The following ANK3 variants were observed in gnomAD, a reference collection of about 807,000 sequenced individuals.
ANK3 encodes ankyrin 3.
ANK3 carries 57 observed loss-of-function variants against 370.9 expected under a neutral mutation model. That is an observed-to-expected ratio of 0.15 (90% CI 0.12 to 0.19). ANK3 has a LOEUF of 0.19. Ranked by LOEUF, ANK3 falls within the 10% of genes least tolerant of loss-of-function variation. The probability of loss-of-function intolerance (pLI) is 1.00; values close to 1 mark genes in which losing one functional copy is unlikely to be tolerated. For missense variants in ANK3, 4,439 were observed against 5,302.1 expected (o/e 0.84, Z 5.06); for synonymous variants, 1,929 against 1,946.3 (o/e 0.99, Z 0.23).
At chr10:60,431,351 C>T (rs1378336441) in intron 2 of ANK3, among the ~76,000 whole-genome samples, 5 of 152,138 alleles carry the variant, frequency 3.3e-5, no homozygotes, top group Non-Finnish European at 7.3e-5. Context: ...TCCTCTGAGA[C>T]TCTAATGCCG....
chr10:60,549,942 G>A (rs1330664866), intron 2 of ANK3, among the ~76,000 whole-genome samples: 1 of 152,070 alleles, frequency 6.6e-6, no homozygotes, highest in Non-Finnish European at 1.5e-5. Context: ...GAAGGAACAT[G>A]CTATCAAGAA....
At chr10:60,290,401 C>CT (rs71015780) in intron 1 of ANK3, among the ~76,000 whole-genome samples, 85,834 of 150,940 alleles carry the variant, frequency 0.57, 24,866 homozygotes, top group South Asian at 0.76. Flanking sequence ...AGCTTTTATT[C>CT]TTTTTTTTTA....
intron 43 of ANK3, among the ~76,000 whole-genome samples, chr10:60,033,536 A>AAC (rs1554812949): frequency 0.045 from 4,417 of 97,920 alleles, 123 homozygotes; most frequent in African/African-American, 0.055. Flanking sequence ...AAAAAAAAAA[A>AAC]AAACTTGGAA....
chr10:60,669,971 A>G (rs993818911), intron 1 of ANK3, among the ~76,000 whole-genome samples: 4 of 151,990 alleles, frequency 2.6e-5, no homozygotes, highest in Admixed American at 2.6e-4. Context: ...CACAGGTGCA[A>G]GGCACCATGC....
intron 23 of ANK3, among the ~76,000 whole-genome samples, chr10:60,162,125 C>T (rs1003208615): frequency 6.6e-6 from 1 of 152,130 alleles, no homozygotes; most frequent in Admixed American, 6.6e-5. Context: ...CCTTAACACA[C>T]CTCCTTTTTT....
Position 60,270,194 on chromosome 10 carries a change from T to A in ANK3, c.450A>T (p.Glu150Asp). 1 of 1,602,328 alleles carries A rather than the reference T, an allele frequency of 6.2e-7. No individual in the cohort carries two copies. ...GAAACTTGACAACTTCCAGGTGATT[T>A]TCCTGGGCTGCCATATACAATGGCG... ...GFTPLYMAAQ[E>D]NHLEVVKFLL... Residue 150 changes from glutamate (E) to aspartate (D), a missense_variant, in exon 5 of 44, where the codon GAA (glutamate) becomes GAT (aspartate). Glu to Asp is a conservative substitution (Grantham distance 45). Transcript: ENST00000280772.
intron 1 of ANK3, among the ~76,000 whole-genome samples, chr10:60,331,543 C>T (rs892037298): frequency 8.0e-5 from 12 of 150,240 alleles, no homozygotes; most frequent in Admixed American, 1.3e-4. Context: ...TTGGAGGAAA[C>T]CCCCCTGTGA....
chr10:60,539,527 C>T (rs908636766), intron 2 of ANK3, among the ~76,000 whole-genome samples: 3 of 151,888 alleles, frequency 2.0e-5, no homozygotes, highest in Non-Finnish European at 2.9e-5. Flanking sequence ...GAAGATGGTA[C>T]CTAACTTGCT....
chr10:60,199,415 C>G (rs754530876), intron 13 of ANK3, among the ~76,000 whole-genome samples: 61 of 152,048 alleles, frequency 4.0e-4, no homozygotes, highest in Non-Finnish European at 7.3e-4. Flanking sequence ...GGAGATGCTG[C>G]AAGGGAGAAG....
intron 8 of ANK3, among the ~76,000 whole-genome samples, chr10:60,224,913 CT>C (rs912364137): frequency 8.3e-5 from 12 of 144,748 alleles, no homozygotes; most frequent in East Asian, 2.0e-4. Context: ...CTTTTTCTTT[CT>C]TTTTTTTTTC....
rs80155282 is a variant in ANK3, at chr10:60,385,920, C to T, written c.114+3505G>A. On this transcript the variant is annotated intron_variant, in intron 1 of 43. Transcript: ENST00000280772. The stretch of plus-strand genomic sequence containing the variant: ...CTAGTAATATCCCTCACTGTTGAAA[C>T]GTATTTTATAGTGTATGTGGGGAGA... 9.6e-3 allele frequency among the ~76,000 whole-genome samples: 1,468 copies of T among 152,212 alleles called. 25 individuals are homozygous for T. The highest frequency in any genetic ancestry group is 0.034 in the African/African-American group (1,400 of 41,518).
chr10:60,226,564 C>CTATATATACT (rs1565823190), intron 8 of ANK3, among the ~76,000 whole-genome samples: 2 of 25,854 alleles, frequency 7.7e-5, no homozygotes, highest in East Asian at 6.9e-3. Flanking sequence ...AGTATATATA[C>CTATATATACT]ATAGTATATG....
chr10:60,080,407 G>C, intron 36 of ANK3, 130 bp downstream of exon 36: 1 of 748,074 alleles, frequency 1.3e-6, no homozygotes, highest in Non-Finnish European at 2.2e-6. Flanking sequence ...TAGGTTGTAT[G>C]ACAGGGTTTT....
chr10:60,520,636 G>C (rs1482735993), intron 2 of ANK3, among the ~76,000 whole-genome samples: 1 of 151,972 alleles, frequency 6.6e-6, no homozygotes, highest in Non-Finnish European at 1.5e-5. Context: ...ATATTCTCCT[G>C]ACCATCTAGG....
At chr10:60,061,464 TAAC>T (rs1189472267) in intron 40 of ANK3, among the ~76,000 whole-genome samples, 14 of 152,322 alleles carry the variant, frequency 9.2e-5, no homozygotes, top group Admixed American at 5.9e-4. Flanking sequence ...TAGAGTTACT[TAAC>T]AACTATTTTT....
intron 23 of ANK3, among the ~76,000 whole-genome samples, chr10:60,154,759 C>T (rs138110880): frequency 0.04 from 6,097 of 152,274 alleles, 406 homozygotes; most frequent in African/African-American, 0.14. Flanking sequence ...CATGCCACTG[C>T]ACTCCAGCCT....
chr10:60,270,277 T>A (rs2097951195), intron 4 of ANK3, 48 bp from the exon 5 acceptor site: 1 of 1,382,616 alleles, frequency 7.2e-7, no homozygotes, highest in African/African-American at 1.5e-5. Flanking sequence ...CCAGAGACAA[T>A]CTATTTTTCC....
At chr10:60,577,506 C>T (rs550412851) in intron 2 of ANK3, among the ~76,000 whole-genome samples, 1 of 152,216 alleles carries the variant, frequency 6.6e-6, no homozygotes, top group Admixed American at 6.5e-5. Context: ...GAATAAGTCT[C>T]ATGAGATCTG....
intron 43 of ANK3, among the ~76,000 whole-genome samples, 191 bp downstream of exon 43, chr10:60,042,481 A>G (rs1284863048): frequency 6.6e-6 from 1 of 152,244 alleles, no homozygotes; most frequent in Non-Finnish European, 1.5e-5. Flanking sequence ...TGGACTGTGA[A>G]ACCGAAGTCA....
Sources: gnomAD v4.1 joint callset for allele counts (sites outside exome capture counted in the v4.1 genomes callset) on GRCh38, gnomAD v4.1.1 for gene constraint, MANE v1.5 for transcripts, NCBI Gene and HGNC (gene_info 2026-07-23, HGNC 2026-07-21) for gene names.